Variants in MSN observed in about 807,000 individuals in gnomAD.
MSN encodes epididymis luminal protein 70.
A neutral mutation model predicts 48.0 loss-of-function variants in MSN; 2 were observed. The observed-to-expected ratio is 0.04, with a 90% CI of 0.02 to 0.13. The LOEUF is 0.13. Among genes scored for constraint, MSN ranks in the 10% least tolerant of loss-of-function variants. The pLI is 1.00. For missense variants in MSN, 267 were observed against 470.1 expected, an observed-to-expected ratio of 0.57 and a Z score of 3.99; for synonymous variants, 146 against 166.9, an observed-to-expected ratio of 0.87 and a Z score of 0.97.
chrX:65,667,479 A>G (rs1569459846), upstream of MSN, among the ~76,000 whole-genome samples: 3 of 109,885 alleles, frequency 2.7e-5, no homozygotes, highest in Admixed American at 2.8e-4. Flanking sequence ...TAGCTACCCT[A>G]GGTCCGCCCG....
chrX:65,646,735 C>T (rs752053770), intron 1 of MSN, among the ~76,000 whole-genome samples: 5 of 111,722 alleles, frequency 4.5e-5, no homozygotes, highest in Non-Finnish European at 7.5e-5. Flanking sequence ...CACCTGAGGT[C>T]GGAAGTTCAA....
chrX:65,605,399 T>G (rs952206289), intron 1 of MSN, among the ~76,000 whole-genome samples: 2 of 112,130 alleles, frequency 1.8e-5, no homozygotes, highest in Non-Finnish European at 3.8e-5. Context: ...TCTCTCTTCA[T>G]TTACTTCCCA....
intron 1 of MSN, among the ~76,000 whole-genome samples, chrX:65,695,329 C>T (rs1423719989): frequency 2.8e-5 from 3 of 109,082 alleles, no homozygotes; most frequent in African/African-American, 6.7e-5. Flanking sequence ...GGTGAAACCC[C>T]GTCTCTACTA....
At position 65,650,176 on chromosome X, in the gene MSN, C is replaced by T. The variant is rs771943341; in HGVS notation, c.-22+61564C>T. 2.2e-3 allele frequency among the ~76,000 whole-genome samples: 233 copies of T among 107,088 alleles called. 1 individual carries two copies. The highest frequency in any genetic ancestry group is 7.6e-3 in the African/African-American group (222 of 29,220). The allele number at this position is 107,088 out of a possible 115,157, so 93.0% of individuals were successfully genotyped here. ...CTCCTGGATTCACTGCAACCTCCCCCTCCTGGGTTCAAGCGATTCTTGCAC... is the reference window on the plus strand; with the variant it reads ...CTCCTGGATTCACTGCAACCTCCCCTTCCTGGGTTCAAGCGATTCTTGCAC... On this transcript the variant is annotated intron_variant, in intron 1 of 3. Transcript: ENST00000609672.
intron 1 of MSN, among the ~76,000 whole-genome samples, chrX:65,605,969 G>T (rs976695673): frequency 9.0e-6 from 1 of 110,673 alleles, no homozygotes; most frequent in Admixed American, 9.6e-5. Context: ...TTGAGACAGG[G>T]TCTTGCTGTG....
chrX:65,615,162 C>T (rs989506299), intron 1 of MSN, among the ~76,000 whole-genome samples: 2 of 110,477 alleles, frequency 1.8e-5, no homozygotes, highest in Non-Finnish European at 3.8e-5. Context: ...CTACAACAAA[C>T]ATACGTGTGC....
chrX:65,591,157 T>G (rs1270423921), intron 1 of MSN, among the ~76,000 whole-genome samples: 4 of 111,665 alleles, frequency 3.6e-5, no homozygotes, highest in African/African-American at 1.3e-4. Flanking sequence ...GTTCATACAC[T>G]CCATTCTTCC....
rs1260337445 is a variant in MSN at position 65,716,528 on chromosome X, G to A, written c.13-290G>A. ...TGGCCTCAAGCAATCCACCCACCTC[G>A]GCCTCCCAAAGTGCTGGGATTACAG... On this transcript the variant is annotated intron_variant, in intron 1 of 12. Coordinates refer to ENST00000360270, the MANE Select transcript of MSN (RefSeq NM_002444.3). 15 of 356,529 alleles carry A rather than the reference G, an allele frequency of 4.2e-5. No individual in the cohort carries two copies. The East Asian group carries it at 5.7e-4, about 13-fold the overall frequency. The allele number at this position is 356,529 out of a possible 1,213,427, so 29.4% of individuals were successfully genotyped here.
intron 1 of MSN, among the ~76,000 whole-genome samples, chrX:65,689,459 G>A (rs940269334): frequency 3.6e-5 from 4 of 111,715 alleles, no homozygotes; most frequent in Non-Finnish European, 1.9e-5. Context: ...TGTGGATGAG[G>A]AGGGAAGAAG....
At chrX:65,719,584 G>A (rs1187208520) in intron 2 of MSN, among the ~76,000 whole-genome samples, 2 of 111,706 alleles carry the variant, frequency 1.8e-5, no homozygotes, top group East Asian at 5.6e-4. Flanking sequence ...AGAACACATA[G>A]GCTTTTGGGC....
At chrX:65,600,978 C>T (rs1168349512) in intron 1 of MSN, among the ~76,000 whole-genome samples, 1 of 112,017 alleles carries the variant, frequency 8.9e-6, no homozygotes, top group Non-Finnish European at 1.9e-5. Context: ...AGTAAGCTCT[C>T]AATAAGTATT....
chrX:65,592,013 A>G (rs1182256755), intron 1 of MSN, among the ~76,000 whole-genome samples: 4 of 109,070 alleles, frequency 3.7e-5, no homozygotes, highest in African/African-American at 1.3e-4. Context: ...ATTGATGACA[A>G]TTGGTACCTT....
chrX:65,729,842 C>A, intron 4 of MSN, 130 bp downstream of exon 4: 1 of 692,886 alleles, frequency 1.4e-6, no homozygotes, highest in Non-Finnish European at 2.1e-6. Context: ...CTGTGTTATG[C>A]TGCTCAAGAG....
At chrX:65,735,553 C>T in intron 8 of MSN, 123 bp downstream of exon 8, 1 of 789,127 alleles carries the variant, frequency 1.3e-6, no homozygotes, top group Middle Eastern at 3.5e-4. Context: ...GGTTAGACAC[C>T]AATATTCACA....
chrX:65,654,941 C>T (rs2070771072), intron 1 of MSN, among the ~76,000 whole-genome samples: 1 of 111,480 alleles, frequency 9.0e-6, no homozygotes, highest in Non-Finnish European at 1.9e-5. Context: ...TATCCCCATA[C>T]CTCAACACTT....
chrX:65,674,373 C>T (rs913902491), intron 1 of MSN, among the ~76,000 whole-genome samples: 3 of 111,849 alleles, frequency 2.7e-5, no homozygotes, highest in African/African-American at 9.8e-5. Context: ...CTGGACTTGG[C>T]TGTCTTAGAA....
intron 1 of MSN, among the ~76,000 whole-genome samples, chrX:65,590,465 T>C (rs1342581932): frequency 9.0e-6 from 1 of 110,567 alleles, no homozygotes; most frequent in Admixed American, 9.7e-5. Context: ...GGTAACTCAT[T>C]AACAGTGTGT....
At chrX:65,722,714 C>T (rs1265106846) in intron 2 of MSN, among the ~76,000 whole-genome samples, 2 of 111,003 alleles carry the variant, frequency 1.8e-5, no homozygotes, top group Non-Finnish European at 3.8e-5. Flanking sequence ...CCACTGCGCC[C>T]GGCCATGCTC....
At chrX:65,662,525 C>CA (rs1223143181) in intron 1 of MSN, among the ~76,000 whole-genome samples, 2 of 112,239 alleles carry the variant, frequency 1.8e-5, no homozygotes, top group African/African-American at 6.5e-5. Context: ...TCGACAAAAA[C>CA]AAACAATAGG....
Sources: allele counts gnomAD v4.1 joint callset (sites outside exome capture counted in the v4.1 genomes callset), GRCh38; gene constraint gnomAD v4.1.1; transcripts MANE v1.5; gene names NCBI Gene and HGNC (gene_info 2026-07-23, HGNC 2026-07-21).